CD209: variants seen among roughly 807,000 people sequenced by gnomAD.
The protein encoded by CD209 is CD209 molecule.
Under a neutral mutation model 44.7 loss-of-function variants are expected in CD209, and 31 were observed. The observed-to-expected ratio is 0.69, with a 90% CI of 0.52 to 0.94. CD209 has a LOEUF of 0.94. CD209 is among the 40% of genes least tolerant of loss of function. The pLI, the probability that CD209 is intolerant of heterozygous loss-of-function variation, is 0.00. For missense variants in CD209, 407 were observed against 452.4 expected (o/e 0.90, Z 0.91); for synonymous variants, 173 against 181.3 (o/e 0.95, Z 0.37).
In CD209 at chr19:7,740,174, G is replaced by C. The variant is rs561843078; in HGVS notation, c.*2865C>G. 4 of 266,092 alleles carry C rather than the reference G, an allele frequency of 1.5e-5. No homozygotes were observed. Among genetic ancestry groups the C allele is most frequent in the African/African-American group, 9.1e-5 (4 of 44,058 alleles). 16.5% of individuals were successfully genotyped at this position (266,092 alleles called of 1,614,324 possible). ...GCTTGATCTGACTGGATCACGCCAG[G>C]GCTCAATCTGATTGGATCAAGGATC... is the stretch of plus-strand genomic sequence containing the variant. On this transcript the variant is annotated 3_prime_UTR_variant, in exon 7 of 7. Coordinates refer to ENST00000315599, the MANE Select transcript of CD209 (RefSeq NM_021155.4).
At position 7,741,515 on chromosome 19, in the gene CD209, T is replaced by C. The variant is rs565643352; in HGVS notation, c.*1524A>G. The C allele has an allele frequency of 1.1e-4, 64 of 566,438 alleles. 1 individual carries two copies. Among genetic ancestry groups the C allele is most frequent in the South Asian group, 9.4e-4 (63 of 66,818 alleles). The allele number at this position is 566,438 out of a possible 1,614,324, so 35.1% of individuals were successfully genotyped here. On this transcript the variant is annotated 3_prime_UTR_variant, in exon 7 of 7. Transcript: ENST00000315599. ...TTAAAAAAAAATAGTAATTAAAAAA[T>C]AACGTGGGGAGAGTGATTCAGTTCA...
chr19:7,741,999 G>A lies in CD209; in HGVS notation c.*1040C>T, dbSNP rs1391058608. 4 of 340,098 alleles carry A rather than the reference G, an allele frequency of 1.2e-5. No individual in the cohort carries two copies. Among genetic ancestry groups the A allele is most frequent in the Non-Finnish European group, 2.4e-5 (4 of 167,112 alleles). 21.1% of individuals were successfully genotyped at this position (340,098 alleles called of 1,614,324 possible). ...AATTCACCTAGCAGAGGAAGAAATA[G>A]TGACCGCAGCGGGGGCCGGTGCAGC... On this transcript the variant is annotated 3_prime_UTR_variant, in exon 7 of 7. Coordinates refer to ENST00000315599, the MANE Select transcript of CD209 (RefSeq NM_021155.4).
At chr19:7,747,423 C>T (rs1456245322) in intron 1 of CD209, 43 bp downstream of exon 1, 1 of 1,614,236 alleles carries the variant, frequency 6.2e-7, no homozygotes, top group South Asian at 1.1e-5. Context: ...GCTGGCCATC[C>T]CTTCCCCCTT....
Position 7,742,932 on chromosome 19 carries a change from C to G in CD209, c.*107G>C, listed in dbSNP as rs769389103. 2.5e-5 allele frequency: 24 copies of G among 941,864 alleles called. No homozygotes were observed. Among genetic ancestry groups the G allele is most frequent in the Non-Finnish European group, 3.8e-5 (23 of 597,502 alleles). 58.3% of individuals were successfully genotyped at this position (941,864 alleles called of 1,614,324 possible). On this transcript the variant is annotated 3_prime_UTR_variant, in exon 7 of 7. Coordinates refer to ENST00000315599, the MANE Select transcript of CD209 (RefSeq NM_021155.4). ...CATGACAAGAAGGACAGAATGGGACCCAGCCTTCTAAAGGAGGAAGAATCT... is the reference window on the plus strand; with the variant it reads ...CATGACAAGAAGGACAGAATGGGACGCAGCCTTCTAAAGGAGGAAGAATCT...
chr19:7,741,892 C>G lies in CD209; in HGVS notation c.*1147G>C. ...CGGGGAAGGAGAACCCTAGTCCAGACCATTCCTACAAAAGAAATGGGGAAT... is the reference window on the plus strand; with the variant it reads ...CGGGGAAGGAGAACCCTAGTCCAGAGCATTCCTACAAAAGAAATGGGGAAT... On this transcript the variant is annotated 3_prime_UTR_variant, in exon 7 of 7. Transcript: ENST00000315599. The G allele has an allele frequency of 4.5e-6, 2 of 443,852 alleles. No individual in the cohort carries two copies. The highest frequency in any genetic ancestry group is 2.1e-5 in the African/African-American group (1 of 48,432). 27.5% of individuals were successfully genotyped at this position (443,852 alleles called of 1,614,324 possible).
intron 3 of CD209, 41 bp downstream of exon 3, chr19:7,746,419 C>G: frequency 6.2e-7 from 1 of 1,602,064 alleles, no homozygotes; most frequent in Non-Finnish European, 8.6e-7. Flanking sequence ...CAGCCAAAAG[C>G]CAGGCGTGGG....
chr19:7,743,215 C>A lies in CD209; in HGVS notation c.1039G>T (p.Glu347Ter). Reference protein sequence around the residue: ...PSFKQYWNRGEPNNVGEEDCA... With the variant: ...PSFKQYWNRG Reference sequence around the variant, plus strand: ...TCTTCCTCCCCAACGTTGTTGGGCTCTCCTCTGTTCCAATACTGCTTGAAG... The same window carrying A: ...TCTTCCTCCCCAACGTTGTTGGGCTATCCTCTGTTCCAATACTGCTTGAAG... The change falls in exon 7 of 7, where the codon GAG (glutamate) becomes TAG (stop). Residue 347 changes from glutamate to a stop codon, truncating the protein, a stop_gained. Coordinates refer to ENST00000315599, the MANE Select transcript of CD209 (RefSeq NM_021155.4). LOFTEE classifies it low-confidence loss of function (END_TRUNC). 6.2e-7 allele frequency: 1 copy of A among 1,614,116 alleles called. No homozygotes were observed. The highest frequency in any genetic ancestry group is 8.5e-7 in the Non-Finnish European group (1 of 1,179,950).
intron 6 of CD209, 86 bp from the exon 7 acceptor site, chr19:7,743,326 C>T: frequency 8.6e-7 from 1 of 1,158,328 alleles, no homozygotes; most frequent in Non-Finnish European, 1.3e-6. Flanking sequence ...GATGCCTTAA[C>T]ATCTGCCCTG....
In CD209 at chr19:7,745,221, C is replaced by T. The variant is rs917511029; in HGVS notation, c.749-129G>A. On this transcript the variant is annotated intron_variant, in intron 4 of 6. Coordinates refer to ENST00000315599, the MANE Select transcript of CD209 (RefSeq NM_021155.4). Reference sequence around the variant, plus strand: ...TCCACGCCGGGTAGACCATTCCCCTCCCCACTTCCCGAGACCCTCCCCCAT... The same window carrying T: ...TCCACGCCGGGTAGACCATTCCCCTTCCCACTTCCCGAGACCCTCCCCCAT... 4.7e-6 allele frequency: 6 copies of T among 1,281,010 alleles called. No homozygotes were observed. In the African/African-American group the frequency reaches 8.9e-5, roughly 19 times the overall value. The allele number at this position is 1,281,010 out of a possible 1,614,324, so 79.4% of individuals were successfully genotyped here.
At position 7,747,300 on chromosome 19, in the gene CD209, C is replaced by T. The variant is rs2033872178; in HGVS notation, c.106+6G>A. 2 of 1,614,134 alleles carry T rather than the reference C, an allele frequency of 1.2e-6. No individual in the cohort carries two copies. The highest frequency in any genetic ancestry group is 1.7e-6 in the Non-Finnish European group (2 of 1,180,050). On this transcript the variant is annotated splice_donor_region_variant and intron_variant, in intron 2 of 6. Coordinates refer to ENST00000315599, the MANE Select transcript of CD209 (RefSeq NM_021155.4). ...CTCTCCTCCCAAACTGCTAAGTCCT[C>T]TCTACCTGCTAAGCTCTTGTATCCT...
intron 6 of CD209, among the ~76,000 whole-genome samples, chr19:7,743,491 C>G (rs1040178243): frequency 6.6e-6 from 1 of 152,098 alleles, no homozygotes; most frequent in Non-Finnish European, 1.5e-5. Flanking sequence ...AGTCTGGAGT[C>G]CACACCTCCA....
rs536115286 is a variant in CD209, at chr19:7,745,924, A to C, written c.342T>G (p.Leu114=). ...LTQLKAAVGE[L]PEKSKLQEIY... ...TCTCCTGCAGCTTAGATTTCTCTGGAAGCTCACCCACTGCAGCCTTCAGCT... is the reference window on the plus strand; with the variant it reads ...TCTCCTGCAGCTTAGATTTCTCTGGCAGCTCACCCACTGCAGCCTTCAGCT... The change falls in exon 4 of 7, where the codon CTT becomes CTG. Residue 114 remains leucine, a synonymous_variant. Transcript: ENST00000315599. 131 of 1,612,858 alleles carry C rather than the reference A, an allele frequency of 8.1e-5. No individual in the cohort carries two copies. In the African/African-American group the frequency reaches 1.7e-3, roughly 21 times the overall value.
chr19:7,745,429 A>G, intron 4 of CD209, 89 bp downstream of exon 4: 2 of 1,607,826 alleles, frequency 1.2e-6, no homozygotes, highest in Non-Finnish European at 1.7e-6. Flanking sequence ...AGATGAGGAA[A>G]CTTGCTCAGG....
In CD209 at chr19:7,746,481, A is replaced by C; in HGVS notation, c.157T>G (p.Leu53Val). The stretch of plus-strand genomic sequence containing the variant: ...TGACCTTGGACAAGGAGCCCAGCCA[A>C]GAGCGTGAAGGAGAGGAGTTGCAGC... Reference protein sequence around the residue: ...LVLQLLSFTLLAGLLVQVSKV... With the variant: ...LVLQLLSFTLVAGLLVQVSKV... Residue 53 changes from leucine (L) to valine (V), a missense_variant, in exon 3 of 7, where the codon TTG (leucine) becomes GTG (valine). This residue lies in a region of CD209 where 122 missense variants were observed against 110.3 expected (regional missense o/e 1.11). Coordinates refer to ENST00000315599, the MANE Select transcript of CD209 (RefSeq NM_021155.4). The C allele has an allele frequency of 6.2e-7, 1 of 1,613,802 alleles. No homozygotes were observed. The highest frequency in any genetic ancestry group is 8.5e-7 in the Non-Finnish European group (1 of 1,179,798).
Sources: gnomAD v4.1 joint callset for allele counts (sites outside exome capture counted in the v4.1 genomes callset) on GRCh38, gnomAD v4.1.1 for gene constraint, gnomAD v4.1.1 regional missense constraint, MANE v1.5 for transcripts, NCBI Gene and HGNC (gene_info 2026-07-23, HGNC 2026-07-21) for gene names.